Variants in OSBPL6 observed in about 807,000 individuals in gnomAD.
The protein encoded by OSBPL6 is oxysterol binding protein like 6, also known as oxysterol-binding protein-related protein 6.
In OSBPL6, 49 loss-of-function variants were observed where a neutral mutation model predicts 125.8. The ratio of observed to expected loss-of-function variants is 0.39; its 90% CI spans 0.31 to 0.49. The LOEUF is 0.49. OSBPL6 is among the 20% of genes least tolerant of loss of function. OSBPL6 has a pLI of 0.88. For missense variants in OSBPL6, 986 were observed against 1,135.4 expected (o/e 0.87, Z 1.89); for synonymous variants, 394 against 391.8 (o/e 1.01, Z -0.07).
chr2:178,380,430 C>T (rs972377318), intron 15 of OSBPL6, among the ~76,000 whole-genome samples: 6 of 120,300 alleles, frequency 5.0e-5, no homozygotes, highest in Non-Finnish European at 7.9e-5. Flanking sequence ...GCACTTCAGC[C>T]TGGGCAGCAG....
At chr2:178,359,605 A>G (rs1189698633) in intron 12 of OSBPL6, among the ~76,000 whole-genome samples, 1 of 152,228 alleles carries the variant, frequency 6.6e-6, no homozygotes, top group East Asian at 1.9e-4. Flanking sequence ...CTGCACTCAC[A>G]TGTTCATTGC....
rs117064627 is a variant in OSBPL6, at chr2:178,234,896, C to T, written c.-351+40222C>T. ...TAAGAAGCTCCCTAAAACCTGGGAA[C>T]CACTGTTTCAGAGAGATTGGCCTTG... On this transcript the variant is annotated intron_variant, in intron 1 of 24. Coordinates refer to ENST00000190611, the MANE Select transcript of OSBPL6 (RefSeq NM_032523.4). 9.8e-5 allele frequency among the ~76,000 whole-genome samples: 15 copies of T among 152,290 alleles called. No homozygotes were observed. The East Asian group carries it at 2.9e-3, about 29-fold the overall frequency.
intron 18 of OSBPL6, 52 bp from the exon 19 acceptor site, chr2:178,385,406 C>G: frequency 8.0e-7 from 1 of 1,255,534 alleles, no homozygotes; most frequent in Non-Finnish European, 1.2e-6. Flanking sequence ...AATGGATGAC[C>G]ATGTGGAAGT....
intron 1 of OSBPL6, among the ~76,000 whole-genome samples, chr2:178,284,684 C>G (rs1050982131): frequency 6.6e-6 from 1 of 152,186 alleles, no homozygotes; most frequent in Non-Finnish European, 1.5e-5. Flanking sequence ...TTTTCATACT[C>G]CAAGCTCTGG....
intron 12 of OSBPL6, 50 bp downstream of exon 12, chr2:178,349,439 A>C (rs913947506): frequency 3.2e-6 from 5 of 1,558,452 alleles, no homozygotes; most frequent in Non-Finnish European, 4.4e-6. Context: ...TCTTTGATGA[A>C]AGATTATCCT....
intron 3 of OSBPL6, among the ~76,000 whole-genome samples, chr2:178,310,101 TCTTC>T (rs1403913025): frequency 1.3e-5 from 2 of 152,216 alleles, no homozygotes; most frequent in African/African-American, 2.4e-5. Context: ...AAATTTAGAT[TCTTC>T]CTTCTATGAA....
At chr2:178,332,529 G>C (rs1689295782) in intron 6 of OSBPL6, 112 bp from the exon 7 acceptor site, 3 of 759,044 alleles carry the variant, frequency 4.0e-6, no homozygotes, top group Non-Finnish European at 6.7e-6. Context: ...GGTATATGTA[G>C]TATTCCACTT....
At chr2:178,200,898 C>T (rs1248227657) in intron 1 of OSBPL6, among the ~76,000 whole-genome samples, 2 of 151,952 alleles carry the variant, frequency 1.3e-5, no homozygotes, top group Non-Finnish European at 2.9e-5. Flanking sequence ...CAGGTTCACA[C>T]CTTTCTCCTG....
chr2:178,211,401 A>G (rs1296621042), intron 1 of OSBPL6, among the ~76,000 whole-genome samples: 2 of 152,216 alleles, frequency 1.3e-5, no homozygotes, highest in African/African-American at 4.8e-5. Context: ...CAGAGACTGG[A>G]TAACCTTGTG....
At position 178,296,431 on chromosome 2, in the gene OSBPL6, G is replaced by A. The variant is rs530658266; in HGVS notation, c.-155-9599G>A. Among the ~76,000 whole-genome samples, 5 of 152,230 alleles carry A rather than the reference G, an allele frequency of 3.3e-5. No individual in the cohort carries two copies. In the East Asian group the frequency reaches 9.7e-4, roughly 29 times the overall value. On this transcript the variant is annotated intron_variant, in intron 2 of 24. Transcript: ENST00000190611. ...GGTGTTGGGACTGGCTTCAAACCCA[G>A]GCAATCCATGGGATATTTTAGAGTA...
chr2:178,228,685 T>C (rs2090683345), intron 1 of OSBPL6, among the ~76,000 whole-genome samples: 1 of 152,246 alleles, frequency 6.6e-6, no homozygotes, highest in Non-Finnish European at 1.5e-5. Context: ...TATAATGATA[T>C]AAAAATTATT....
At chr2:178,199,942 A>C (rs977597595) in intron 1 of OSBPL6, among the ~76,000 whole-genome samples, 1 of 152,110 alleles carries the variant, frequency 6.6e-6, no homozygotes, top group African/African-American at 2.4e-5. Flanking sequence ...CAAAGTGTCC[A>C]TTATTGGGTA....
chr2:178,381,623 G>A (rs2154113366), intron 15 of OSBPL6, among the ~76,000 whole-genome samples: 1 of 152,222 alleles, frequency 6.6e-6, no homozygotes, highest in East Asian at 1.9e-4. Context: ...AAAGTGCTGG[G>A]ATTACAGGCG....
chr2:178,232,125 T>C (rs918606204), intron 1 of OSBPL6, among the ~76,000 whole-genome samples: 8 of 152,316 alleles, frequency 5.3e-5, no homozygotes, highest in Middle Eastern at 3.4e-3. Context: ...TTTCCTCTAT[T>C]TGAAGCTTTT....
chr2:178,378,493 A>G (rs1694096631), intron 15 of OSBPL6, among the ~76,000 whole-genome samples: 1 of 152,218 alleles, frequency 6.6e-6, no homozygotes, highest in East Asian at 1.9e-4. Flanking sequence ...TCTTTTAAAA[A>G]ATGTTCTTCT....
intron 8 of OSBPL6, 90 bp downstream of exon 8, chr2:178,333,131 C>T (rs1167628696): frequency 7.0e-7 from 1 of 1,436,894 alleles, no homozygotes; most frequent in African/African-American, 1.4e-5. Context: ...GTGTGTAATC[C>T]CAGCACTTTG....
chr2:178,328,134 G>T, intron 4 of OSBPL6, 122 bp from the exon 5 acceptor site: 1 of 1,292,982 alleles, frequency 7.7e-7, no homozygotes, highest in African/African-American at 1.5e-5. Context: ...CCGGAATGTT[G>T]TTCATCCTTC....
intron 12 of OSBPL6, 36 bp downstream of exon 12, chr2:178,349,425 C>T (rs1408094325): frequency 6.3e-7 from 1 of 1,583,546 alleles, no homozygotes; most frequent in South Asian, 1.1e-5. Flanking sequence ...TAAAGAAGCT[C>T]TCTTCTTTGA....
At chr2:178,257,187 G>A (rs1372651085) in intron 1 of OSBPL6, among the ~76,000 whole-genome samples, 2 of 152,160 alleles carry the variant, frequency 1.3e-5, no homozygotes, top group Non-Finnish European at 2.9e-5. Flanking sequence ...TAAAGCTTCA[G>A]TGAGTTTTAT....
Sources: gnomAD v4.1 joint callset for allele counts (sites outside exome capture counted in the v4.1 genomes callset) on GRCh38, gnomAD v4.1.1 for gene constraint, MANE v1.5 for transcripts, NCBI Gene and HGNC (gene_info 2026-07-23, HGNC 2026-07-21) for gene names.